The following DGKB variants were observed in gnomAD, a reference collection of about 807,000 sequenced individuals.
DGKB encodes diacylglycerol kinase beta.
Under a neutral mutation model 114.3 loss-of-function variants are expected in DGKB, and 67 were observed. The ratio of observed to expected loss-of-function variants is 0.59; its 90% CI spans 0.48 to 0.72. DGKB has a LOEUF of 0.72. Ranked by LOEUF, DGKB falls within the 30% of genes least tolerant of loss-of-function variation. DGKB has a pLI of 0.00. For synonymous variants in DGKB, 398 were observed against 323.1 expected (o/e 1.23, Z -2.49); for missense variants, 907 against 975.2 (o/e 0.93, Z 0.93).
In DGKB at chr7:14,145,165, A is replaced by G. The variant is rs1344405149; in HGVS notation, c.*3966T>C. On this transcript the variant is annotated 3_prime_UTR_variant, in exon 26 of 26. Coordinates refer to ENST00000402815, the MANE Select transcript of DGKB (RefSeq NM_001350709.2). ...TTTAAACACAATAAGGTTATACAGA[A>G]TCTCTCAAATGTGAGTTTACTCAAA... 1 of 152,190 alleles carries G rather than the reference A, an allele frequency of 6.6e-6. No individual in the cohort carries two copies. The highest frequency in any genetic ancestry group is 1.5e-5 in the Non-Finnish European group (1 of 68,034). 9.4% of individuals were successfully genotyped at this position (152,190 alleles called of 1,614,324 possible).
chr7:14,296,557 C>T (rs1802595681), intron 23 of DGKB, among the ~76,000 whole-genome samples: 1 of 151,980 alleles, frequency 6.6e-6, no homozygotes, highest in African/African-American at 2.4e-5. Flanking sequence ...ATTTCTGGCT[C>T]TAGATCCCTG....
intron 23 of DGKB, among the ~76,000 whole-genome samples, chr7:14,247,596 T>G (rs989279378): frequency 2.6e-5 from 4 of 152,130 alleles, no homozygotes; most frequent in Non-Finnish European, 5.9e-5. Context: ...TTCCTGATAA[T>G]AAGTGATGTT....
rs112985575 is a variant in DGKB at position 14,262,911 on chromosome 7, C to T, written c.2122+75604G>A. Among the ~76,000 whole-genome samples, 13 of 152,052 alleles carry T rather than the reference C, an allele frequency of 8.5e-5. 1 individual carries two copies. The highest frequency in any genetic ancestry group is 3.1e-4 in the African/African-American group (13 of 41,492). Reference sequence around the variant, plus strand: ...AAGACGTTTTATTAAACAAATCATTCCCACCAAGAGGTAGCTTGGGCCACA... The same window carrying T: ...AAGACGTTTTATTAAACAAATCATTTCCACCAAGAGGTAGCTTGGGCCACA... On this transcript the variant is annotated intron_variant, in intron 23 of 25. Transcript: ENST00000402815.
At chr7:14,619,664 G>C (rs1807238009) in intron 15 of DGKB, among the ~76,000 whole-genome samples, 1 of 151,560 alleles carries the variant, frequency 6.6e-6, no homozygotes, top group Admixed American at 6.6e-5. Context: ...GGTGTCTTGG[G>C]AGTGAAACAC....
At chr7:14,423,244 C>A (rs554221167) in intron 21 of DGKB, among the ~76,000 whole-genome samples, 11 of 152,064 alleles carry the variant, frequency 7.2e-5, no homozygotes, top group African/African-American at 2.6e-4. Context: ...ATATTTTTGC[C>A]ATCCTAGGAA....
intron 1 of DGKB, among the ~76,000 whole-genome samples, chr7:14,958,477 C>CA (rs1562903995): frequency 4.7e-5 from 4 of 84,754 alleles, no homozygotes; most frequent in African/African-American, 9.9e-5. Context: ...ACACACACAC[C>CA]CCGTCCAGGA....
At chr7:14,849,694 G>A (rs371485999) in intron 1 of DGKB, among the ~76,000 whole-genome samples, 5 of 152,246 alleles carry the variant, frequency 3.3e-5, no homozygotes, top group South Asian at 4.1e-4. Context: ...GGCATGAGGT[G>A]GAGTAATAAA....
chr7:14,282,118 G>C (rs1204726970), intron 23 of DGKB, among the ~76,000 whole-genome samples: 1 of 60,600 alleles, frequency 1.7e-5, no homozygotes, highest in Admixed American at 2.2e-4. Flanking sequence ...CCGCTAGCAA[G>C]ACTAATAAAG....
intron 1 of DGKB, among the ~76,000 whole-genome samples, chr7:14,854,518 A>C (rs1382719760): frequency 2.6e-5 from 4 of 152,194 alleles, no homozygotes; most frequent in Non-Finnish European, 5.9e-5. Flanking sequence ...ATCAGGCATT[A>C]GATTCTCATA....
At chr7:14,203,931 A>ATAAC (rs1786329720) in intron 23 of DGKB, among the ~76,000 whole-genome samples, 1 of 151,948 alleles carries the variant, frequency 6.6e-6, no homozygotes, top group African/African-American at 2.4e-5. Flanking sequence ...TTCTGGTCTG[A>ATAAC]TAACATGGAT....
chr7:14,967,217 A>AT (rs2115293265), intron 1 of DGKB, among the ~76,000 whole-genome samples: 2 of 152,324 alleles, frequency 1.3e-5, no homozygotes, highest in African/African-American at 4.8e-5. Flanking sequence ...GCTGGAGAAA[A>AT]TCTAGGAGGA....
chr7:14,385,330 G>T (rs541378047), intron 21 of DGKB, among the ~76,000 whole-genome samples: 344 of 152,272 alleles, frequency 2.3e-3, no homozygotes, highest in Non-Finnish European at 4.1e-3. Context: ...GCACTCAGAA[G>T]ACTGGTGGTG....
chr7:14,260,185 T>C (rs916620771), intron 23 of DGKB, among the ~76,000 whole-genome samples: 1 of 151,986 alleles, frequency 6.6e-6, no homozygotes, highest in Admixed American at 6.6e-5. Context: ...ATAATTCATG[T>C]TGGGATGGAC....
intron 23 of DGKB, among the ~76,000 whole-genome samples, chr7:14,283,893 C>T (rs563502049): frequency 6.6e-6 from 1 of 152,114 alleles, no homozygotes; most frequent in African/African-American, 2.4e-5. Flanking sequence ...AAACGTTAGA[C>T]CTAAAACCAT....
chr7:14,921,219 A>G (rs2128247163), intron 1 of DGKB, among the ~76,000 whole-genome samples: 1 of 152,304 alleles, frequency 6.6e-6, no homozygotes, highest in East Asian at 1.9e-4. Context: ...TGTCAAAACT[A>G]TTCTACATGA....
At chr7:14,475,231 TA>T (rs965006126) in intron 21 of DGKB, among the ~76,000 whole-genome samples, 5 of 152,080 alleles carry the variant, frequency 3.3e-5, no homozygotes, top group Admixed American at 1.3e-4. Context: ...TAGGAGTACT[TA>T]AAAAAATCCA....
intron 23 of DGKB, among the ~76,000 whole-genome samples, chr7:14,307,038 A>G (rs1804590061): frequency 6.6e-6 from 1 of 152,128 alleles, no homozygotes; most frequent in South Asian, 2.1e-4. Context: ...GTACTTTCTC[A>G]TTATAGCACT....
intron 1 of DGKB, among the ~76,000 whole-genome samples, chr7:14,886,928 A>C (rs1356753940): frequency 6.6e-6 from 1 of 151,908 alleles, no homozygotes; most frequent in Non-Finnish European, 1.5e-5. Flanking sequence ...TCTAGCTCTT[A>C]AGTCAGCCTT....
At chr7:14,895,372 CT>C (rs1781936036) in intron 1 of DGKB, among the ~76,000 whole-genome samples, 1 of 151,498 alleles carries the variant, frequency 6.6e-6, no homozygotes, top group Non-Finnish European at 1.5e-5. Flanking sequence ...CAGACCAGGT[CT>C]ACAATGAAAA....
Sources: allele counts gnomAD v4.1 joint callset (sites outside exome capture counted in the v4.1 genomes callset), GRCh38; gene constraint gnomAD v4.1.1; transcripts MANE v1.5; gene names NCBI Gene and HGNC (gene_info 2026-07-23, HGNC 2026-07-21).